The following PCDHA3 variants were observed in gnomAD, a reference collection of about 807,000 sequenced individuals.
PCDHA3 encodes protocadherin alpha-3.
Under a neutral mutation model 62.2 loss-of-function variants are expected in PCDHA3, and 41 were observed. The ratio of observed to expected loss-of-function variants is 0.66; its 90% confidence interval spans 0.51 to 0.86. PCDHA3 has a LOEUF of 0.86. Among genes scored for constraint, PCDHA3 ranks in the 40% least tolerant of loss-of-function variants. The pLI, the probability that PCDHA3 is intolerant of heterozygous loss-of-function variation, is 0.00. For synonymous variants in PCDHA3, 640 were observed against 555.4 expected, an observed-to-expected ratio of 1.15 and a Z score of -2.14; for missense variants, 1,304 against 1,241.2, an observed-to-expected ratio of 1.05 and a Z score of -0.76.
chr5:140,986,385 T>C (rs1554247992), intron 3 of PCDHA3, among the ~76,000 whole-genome samples: 2 of 152,134 alleles, frequency 1.3e-5, no homozygotes, highest in Non-Finnish European at 1.5e-5. Context: ...GGAGGGACAT[T>C]AAAGGGCCAG....
chr5:140,841,459 C>T, intron 1 of PCDHA3: 2 of 1,612,886 alleles, frequency 1.2e-6, no homozygotes, highest in South Asian at 1.1e-5. Context: ...CCTTCGTGGG[C>T]CGGATCGCGC....
intron 1 of PCDHA3, among the ~76,000 whole-genome samples, chr5:140,899,481 G>T (rs2153464125): frequency 6.6e-6 from 1 of 152,230 alleles, no homozygotes; most frequent in East Asian, 1.9e-4. Flanking sequence ...CTGTTTATAT[G>T]CTGGATTACA....
chr5:140,822,864 A>G, intron 1 of PCDHA3: 1 of 1,614,160 alleles, frequency 6.2e-7, no homozygotes, highest in Non-Finnish European at 8.5e-7. Flanking sequence ...AGGACGCTCC[A>G]CTCAGCACGG....
chr5:140,954,845 C>T (rs1479368081), intron 1 of PCDHA3, among the ~76,000 whole-genome samples: 2 of 152,140 alleles, frequency 1.3e-5, no homozygotes, highest in African/African-American at 4.8e-5. Context: ...AAATCTTTGC[C>T]TGTGCCTATG....
chr5:140,807,686 C>T (rs1472420956), intron 1 of PCDHA3: 7 of 1,614,108 alleles, frequency 4.3e-6, no homozygotes, highest in Non-Finnish European at 5.9e-6. Context: ...GGAGAACGCC[C>T]TGCTCACTTA....
At chr5:140,848,946 C>T (rs2150425951) in intron 1 of PCDHA3, 32 of 1,607,242 alleles carry the variant, frequency 2.0e-5, no homozygotes, top group Non-Finnish European at 2.5e-5. Flanking sequence ...GCTTGACTCT[C>T]GGTTTCCACT....
At chr5:140,888,705 A>G (rs2061950008) in intron 1 of PCDHA3, among the ~76,000 whole-genome samples, 1 of 152,082 alleles carries the variant, frequency 6.6e-6, no homozygotes, top group South Asian at 2.1e-4. Context: ...ATTGGTAGGA[A>G]TGTGAAATAT....
intron 1 of PCDHA3, chr5:140,853,696 T>C: frequency 1.1e-5 from 11 of 988,274 alleles, no homozygotes; most frequent in Non-Finnish European, 1.3e-5. Context: ...TTAGACCTGC[T>C]AACGCATTAG....
intron 1 of PCDHA3, chr5:140,841,947 A>G (rs2150326341): frequency 2.5e-6 from 4 of 1,613,886 alleles, no homozygotes; most frequent in Admixed American, 3.3e-5. Context: ...CCTGCGCACC[A>G]CTTATTCCTG....
chr5:140,848,591 C>A lies in PCDHA3; in HGVS notation c.2394+45000C>A. 1.9e-6 allele frequency: 3 copies of A among 1,594,690 alleles called. 1 individual carries two copies. Among genetic ancestry groups the A allele is most frequent in the Non-Finnish European group, 2.6e-6 (3 of 1,164,772 alleles). On this transcript the variant is annotated intron_variant, in intron 1 of 3. Coordinates refer to ENST00000522353, the MANE Select transcript of PCDHA3 (RefSeq NM_018906.3). ...GGGTGGTGGGGAGCGGCCAGCTCCACTACTCCGTCCCGGAGGAAGCCGAAC... is the reference window on the plus strand; with the variant it reads ...GGGTGGTGGGGAGCGGCCAGCTCCAATACTCCGTCCCGGAGGAAGCCGAAC...
intron 1 of PCDHA3, chr5:140,808,467 C>T (rs1764178658): frequency 1.9e-6 from 3 of 1,614,052 alleles, no homozygotes; most frequent in African/African-American, 2.7e-5. Flanking sequence ...GTGGTGACCG[C>T]GCGAGACGGG....
At chr5:140,864,428 A>G (rs1459039146) in intron 1 of PCDHA3, 2 of 152,138 alleles carry the variant, frequency 1.3e-5, no homozygotes, top group Non-Finnish European at 2.9e-5. Context: ...TCGTCCACAA[A>G]CAATTTTGTT....
At chr5:140,809,951 C>G (rs1277877480) in intron 1 of PCDHA3, 3 of 163,348 alleles carry the variant, frequency 1.8e-5, no homozygotes, top group African/African-American at 7.2e-5. Context: ...TGAAAAGCTC[C>G]GTTGCCTCCA....
chr5:140,821,829 T>G (rs2150110969), intron 1 of PCDHA3: 2 of 1,614,124 alleles, frequency 1.2e-6, no homozygotes, highest in South Asian at 2.2e-5. Context: ...TGCTCTGGCT[T>G]CTCCTTGCCT....
chr5:141,008,838 G>A (rs555239899), intron 3 of PCDHA3, among the ~76,000 whole-genome samples: 2 of 152,192 alleles, frequency 1.3e-5, no homozygotes, highest in South Asian at 2.1e-4. Context: ...ATCCTCTTAC[G>A]CTGTGTATTC....
At chr5:140,947,635 G>T (rs1170525936) in intron 1 of PCDHA3, among the ~76,000 whole-genome samples, 1 of 151,538 alleles carries the variant, frequency 6.6e-6, no homozygotes, top group Non-Finnish European at 1.5e-5. Flanking sequence ...TCATCAGATC[G>T]TATGAACATA....
In PCDHA3 at chr5:140,801,121, AT is replaced by A; in HGVS notation, c.-76del. On this transcript the variant is annotated 5_prime_UTR_variant, in exon 1 of 4. An upstream start codon of the reference 5' UTR is lost. Transcript: ENST00000522353. ...AATTTAACACCGAGGAGTTTAAGAAATGAAGATAAGGAACTCGAATTATTTT... is the reference window on the plus strand; with the variant it reads ...AATTTAACACCGAGGAGTTTAAGAAAGAAGATAAGGAACTCGAATTATTTT... 6.6e-7 allele frequency: 1 copy of A among 1,516,972 alleles called. No homozygotes were observed. Among genetic ancestry groups the A allele is most frequent in the Non-Finnish European group, 8.8e-7 (1 of 1,137,378 alleles). 94.0% of individuals were successfully genotyped at this position (1,516,972 alleles called of 1,614,324 possible). A position where few individuals can be genotyped will look rare whatever the true frequency, so the allele number is the denominator to read the frequency against.
At chr5:140,898,956 T>G (rs1352076218) in intron 1 of PCDHA3, among the ~76,000 whole-genome samples, 1 of 152,130 alleles carries the variant, frequency 6.6e-6, no homozygotes, top group African/African-American at 2.4e-5. Flanking sequence ...GAAGCAGTTG[T>G]GAATGGGAGT....
chr5:140,871,607 AT>A, intron 1 of PCDHA3: 1 of 1,438,710 alleles, frequency 7.0e-7, no homozygotes. Flanking sequence ...AGTGTTTTGA[AT>A]ATTGTTTTAG....
Sources: allele counts gnomAD v4.1 joint callset (sites outside exome capture counted in the v4.1 genomes callset), GRCh38; gene constraint gnomAD v4.1.1; transcripts MANE v1.5; gene names NCBI Gene and HGNC (gene_info 2026-07-23, HGNC 2026-07-21).